The following SCARF2 variants were observed in gnomAD, a reference collection of about 807,000 sequenced individuals.
SCARF2 encodes scavenger receptor class F member 2.
Under a neutral mutation model 73.4 loss-of-function variants are expected in SCARF2, and 39 were observed. That is an observed-to-expected ratio of 0.53 (90% CI 0.41 to 0.69). The LOEUF is 0.69. SCARF2 is among the 30% of genes least tolerant of loss of function. The pLI, the probability that SCARF2 is intolerant of heterozygous loss-of-function variation, is 0.00. For synonymous variants in SCARF2, 605 were observed against 590.0 expected (o/e 1.03, Z -0.37); for missense variants, 1,148 against 1,303.5 (o/e 0.88, Z 1.84).
chr22:20,432,791 A>T (rs1480938564), intron 1 of SCARF2, among the ~76,000 whole-genome samples: 4 of 152,176 alleles, frequency 2.6e-5, no homozygotes, highest in Non-Finnish European at 5.9e-5. Flanking sequence ...ATCTCGGCTC[A>T]CTGCAACTTC....
chr22:20,429,330 G>A lies in SCARF2; in HGVS notation c.1435C>T (p.Leu479Phe), dbSNP rs930749555. 1.2e-6 allele frequency: 2 copies of A among 1,605,734 alleles called. No individual in the cohort carries two copies. The highest frequency in any genetic ancestry group is 1.7e-6 in the Non-Finnish European group (2 of 1,176,160). Residue 479 changes from leucine to phenylalanine, a missense_variant, in exon 9 of 11, where the codon CTT becomes TTT. Physicochemically the swap from Leu to Phe is conservative, Grantham distance 22. This residue lies in a region of SCARF2 where 437 missense variants were observed against 433.6 expected (regional missense o/e 1.01). Coordinates refer to ENST00000622235, the MANE Select transcript of SCARF2 (RefSeq NM_182895.5). The surrounding 1 kb of genome is among the most constrained non-coding windows in gnomAD (Gnocchi z 5.2). Reference protein sequence around the residue: ...GKDPTRRELSLGRKKAPHRLC... With the variant: ...GKDPTRRELSFGRKKAPHRLC... Reference sequence around the variant, plus strand: ...CGGTGCGGCGCCTTCTTCCTCCCAAGCGAAAGCTCCCTGCGGGGGCGGGGT... The same window carrying A: ...CGGTGCGGCGCCTTCTTCCTCCCAAACGAAAGCTCCCTGCGGGGGCGGGGT...
At chr22:20,430,236 G>T (rs1043008955) in intron 6 of SCARF2, among the ~76,000 whole-genome samples, 193 bp downstream of exon 6, 3 of 152,208 alleles carry the variant, frequency 2.0e-5, no homozygotes, top group African/African-American at 7.2e-5. Flanking sequence ...ACCAGATCCT[G>T]CGCTGAACGT....
chr22:20,437,442 G>T, intron 1 of SCARF2, 140 bp downstream of exon 1: 1 of 916,400 alleles, frequency 1.1e-6, no homozygotes, highest in Non-Finnish European at 1.6e-6. Flanking sequence ...GCCTGGAACG[G>T]AGCCGCGCTG....
intron 1 of SCARF2, 123 bp from the exon 2 acceptor site, chr22:20,432,111 G>A (rs555179950): frequency 9.8e-7 from 1 of 1,016,374 alleles, no homozygotes; most frequent in Non-Finnish European, 1.5e-6. Context: ...TCCTAGGGGG[G>A]TGGTTAATGA....
At position 20,429,501 on chromosome 22, in the gene SCARF2, A is replaced by T; in HGVS notation, c.1424+35T>A. 6.2e-7 allele frequency: 1 copy of T among 1,608,958 alleles called. No individual in the cohort carries two copies. The highest frequency in any genetic ancestry group is 1.1e-5 in the South Asian group (1 of 90,800). On this transcript the variant is annotated intron_variant, in intron 8 of 10. Transcript: ENST00000622235. The surrounding 1 kb of genome is among the most constrained non-coding windows in gnomAD (Gnocchi z 5.2). ...GGTGGCACCCAGAGGGTGCGGCCTG[A>T]ACCCAGGCGAAAGCGGGGCAGTATC...
At chr22:20,430,324 C>A in intron 6 of SCARF2, 105 bp downstream of exon 6, 1 of 1,379,736 alleles carries the variant, frequency 7.2e-7, no homozygotes, top group Non-Finnish European at 9.9e-7. Flanking sequence ...GGGACCAAGG[C>A]TGAGGTGATA....
At chr22:20,431,650 C>T in intron 3 of SCARF2, 95 bp downstream of exon 3, 2 of 1,538,904 alleles carry the variant, frequency 1.3e-6, no homozygotes, top group Non-Finnish European at 1.8e-6. Context: ...GGGACCCGCC[C>T]CGAAGGCGGA....
rs746590819 is a variant in SCARF2 at position 20,430,754 on chromosome 22, C to T, written c.1009G>A (p.Gly337Arg). ...CCGGTGACATGGTTACAGGCATGCC[C>T]GTCGCGGCATGGCGGACAGCGGTGG... is the stretch of plus-strand genomic sequence containing the variant. ...CSHRCPPCRDGHACNHVTGKC... is the reference protein window; with the variant it reads ...CSHRCPPCRDRHACNHVTGKC... The change falls in exon 5 of 11, where the codon GGG becomes AGG. Residue 337 changes from glycine to arginine, a missense_variant. By Grantham distance (125) the Gly-to-Arg change is moderately radical (BLOSUM62 -2). Coordinates refer to ENST00000622235, the MANE Select transcript of SCARF2 (RefSeq NM_182895.5). The T allele has an allele frequency of 4.4e-6, 7 of 1,607,944 alleles. 1 individual carries two copies. Among genetic ancestry groups the T allele is most frequent in the South Asian group, 3.3e-5 (3 of 90,374 alleles).
chr22:20,437,526 A>G, intron 1 of SCARF2, 56 bp downstream of exon 1: 1 of 1,516,654 alleles, frequency 6.6e-7, no homozygotes, highest in Non-Finnish European at 8.8e-7. Flanking sequence ...CGGCGCCGCC[A>G]CACCACTGCC....
At position 20,426,168 on chromosome 22, in the gene SCARF2, G is replaced by T; in HGVS notation, c.1808C>A (p.Pro603His). The stretch of plus-strand genomic sequence containing the variant: ...CGACCGCTCGCTGTCGGAGGACGCG[G>T]GGAGGGGTATCGCCTCCTCGGCGGA... ...PASAEEAIPL[P>H]ASSDSERSAS... The change falls in exon 11 of 11, where the codon CCC becomes CAC. Residue 603 changes from proline (P) to histidine (H), a missense_variant. Pro to His is a moderately conservative substitution (Grantham distance 77, BLOSUM62 -2). Coordinates refer to ENST00000622235, the MANE Select transcript of SCARF2 (RefSeq NM_182895.5). 6.7e-7 allele frequency: 1 copy of T among 1,493,152 alleles called. No individual in the cohort carries two copies. The highest frequency in any genetic ancestry group is 1.3e-5 in the South Asian group (1 of 78,750). 92.5% of individuals were successfully genotyped at this position (1,493,152 alleles called of 1,614,324 possible).
In SCARF2 at chr22:20,431,546, G is replaced by T; in HGVS notation, c.335-9C>A. 6.4e-7 allele frequency: 1 copy of T among 1,567,024 alleles called. No individual in the cohort carries two copies. The highest frequency in any genetic ancestry group is 2.3e-5 in the East Asian group (1 of 42,582). On this transcript the variant is annotated splice_polypyrimidine_tract_variant and intron_variant, in intron 3 of 10. Coordinates refer to ENST00000622235, the MANE Select transcript of SCARF2 (RefSeq NM_182895.5). ...GAACTGGCGCGGGCACTCTGCAGGG[G>T]AGGAGCGGAGGGGGTGGAAGGCCCC...
chr22:20,427,678 C>T, intron 9 of SCARF2, 128 bp from the exon 10 acceptor site: 1 of 1,041,288 alleles, frequency 9.6e-7, no homozygotes, highest in Non-Finnish European at 1.4e-6. Flanking sequence ...GCAGGGGGCA[C>T]AGGCAACTCA....
Position 20,437,666 on chromosome 22 carries a change from A to AGCAGCAGCGACG in SCARF2, c.77_88dup (p.Pro26_Leu29dup). The AGCAGCAGCGACG allele has an allele frequency of 6.6e-7, 1 of 1,520,272 alleles. No individual in the cohort carries two copies. The highest frequency in any genetic ancestry group is 1.4e-5 in the African/African-American group (1 of 70,128). 94.2% of individuals were successfully genotyped at this position (1,520,272 alleles called of 1,614,324 possible). On this transcript the variant is annotated inframe_insertion, in exon 1 of 11. Transcript: ENST00000622235. ...CGGCAGCATCCAGAGCAGCAGCAGC[A>AGCAGCAGCGACG]GCAGCAGCGACGGCAGCAGCGGTGA...
In SCARF2 at chr22:20,424,687, A is replaced by G. The variant is rs1343072505; in HGVS notation, c.*688T>C. On this transcript the variant is annotated 3_prime_UTR_variant, in exon 11 of 11. Coordinates refer to ENST00000622235, the MANE Select transcript of SCARF2 (RefSeq NM_182895.5). ...GGGGGAGCAGCCCTGCTGGGGGCCT[A>G]TAAATACATCTCCTCAGGCCACTAG... 6.6e-6 allele frequency: 1 copy of G among 152,302 alleles called. No homozygotes were observed. Among genetic ancestry groups the G allele is most frequent in the Non-Finnish European group, 1.5e-5 (1 of 68,078 alleles). The allele number at this position is 152,302 out of a possible 1,614,324, so 9.4% of individuals were successfully genotyped here. A position where few individuals can be genotyped will look rare whatever the true frequency, so the allele number is the denominator to read the frequency against.
chr22:20,426,562 C>CTG (rs2052580903), intron 10 of SCARF2, among the ~76,000 whole-genome samples: 2 of 152,256 alleles, frequency 1.3e-5, no homozygotes, highest in African/African-American at 2.4e-5. Flanking sequence ...GCCCCAACAC[C>CTG]CCTCCAGCCT....
Position 20,431,062 on chromosome 22 carries a change from G to C in SCARF2, c.810C>G (p.Arg270=). The C allele has an allele frequency of 6.4e-7, 1 of 1,556,404 alleles. No individual in the cohort carries two copies. The highest frequency in any genetic ancestry group is 1.2e-5 in the South Asian group (1 of 85,882). The part of the protein sequence containing the change: ...CEPGYRGKYC[R]EPCPAGFYGL... ...CGTAGAAGCCGGCGGGGCACGGCTC[G>C]CGACAGTACTTGCCGCGGTAGCCCG... Residue 270 remains arginine, a synonymous_variant, in exon 4 of 11, where the codon CGC becomes CGG. Transcript: ENST00000622235.
At chr22:20,430,984 C>T (rs1030410906) in intron 4 of SCARF2, 34 bp downstream of exon 4, 5 of 1,568,834 alleles carry the variant, frequency 3.2e-6, no homozygotes, top group Admixed American at 3.5e-5. Flanking sequence ...CGCCCTTCCA[C>T]CTCCTCCCTC....
chr22:20,429,854 G>T lies in SCARF2; in HGVS notation c.1203-21C>A. The T allele has an allele frequency of 6.2e-7, 1 of 1,610,524 alleles. No individual in the cohort carries two copies. The highest frequency in any genetic ancestry group is 8.5e-7 in the Non-Finnish European group (1 of 1,178,898). On this transcript the variant is annotated intron_variant, in intron 6 of 10. Coordinates refer to ENST00000622235, the MANE Select transcript of SCARF2 (RefSeq NM_182895.5). The surrounding 1 kb of genome is among the most constrained non-coding windows in gnomAD (Gnocchi z 5.2). Reference sequence around the variant, plus strand: ...TACAGCTGCCGGGACATAGGGTCAAGGCATGCCACAGCCGCCCCCCTAGGA... The same window carrying T: ...TACAGCTGCCGGGACATAGGGTCAATGCATGCCACAGCCGCCCCCCTAGGA...
chr22:20,436,294 C>T (rs147566263), intron 1 of SCARF2, among the ~76,000 whole-genome samples: 1 of 152,332 alleles, frequency 6.6e-6, no homozygotes, highest in Non-Finnish European at 1.5e-5. Context: ...CACCGGACCC[C>T]CATTCCTGGT....
Sources: allele counts gnomAD v4.1 joint callset (sites outside exome capture counted in the v4.1 genomes callset), GRCh38; gene constraint gnomAD v4.1.1; regional missense constraint gnomAD v4.1.1; non-coding constraint Gnocchi (gnomAD v3.1); transcripts MANE v1.5; gene names NCBI Gene and HGNC (gene_info 2026-07-23, HGNC 2026-07-21).